The following RELN variants were observed in gnomAD, a reference collection of about 807,000 sequenced individuals.
The protein encoded by RELN is reelin.
In RELN, 108 loss-of-function variants were observed where a neutral mutation model predicts 427.6. The ratio of observed to expected loss-of-function variants is 0.25; its 90% CI spans 0.22 to 0.30. The LOEUF is 0.30. Ranked by LOEUF, RELN falls within the 10% of genes least tolerant of loss-of-function variation. The probability of loss-of-function intolerance (pLI) is 1.00; values close to 1 mark genes in which losing one functional copy is unlikely to be tolerated. For missense variants in RELN, 3,715 were observed against 4,302.8 expected, an observed-to-expected ratio of 0.86 and a Z score of 3.82; for synonymous variants, 1,524 against 1,513.4, an observed-to-expected ratio of 1.01 and a Z score of -0.16.
chr7:103,871,879 C>A (rs892934522), intron 2 of RELN, among the ~76,000 whole-genome samples: 1 of 151,764 alleles, frequency 6.6e-6, no homozygotes, highest in Non-Finnish European at 1.5e-5. Flanking sequence ...TGGAGACCTA[C>A]CAGAGATTTT....
chr7:103,988,559 C>G lies in RELN; in HGVS notation c.226+572G>C, dbSNP rs890482644. On this transcript the variant is annotated intron_variant, in intron 1 of 64. Coordinates refer to ENST00000428762, the MANE Select transcript of RELN (RefSeq NM_005045.4). The surrounding 1 kb of genome is among the most constrained non-coding windows in gnomAD (Gnocchi z 4.9). ...TTTCAAAAGAATAGGGAGCTGGAAG[C>G]AGCCGCTCCCTTTCAGGAGGGCTGT... 3.3e-5 allele frequency among the ~76,000 whole-genome samples: 5 copies of G among 152,188 alleles called. No individual in the cohort carries two copies. Among genetic ancestry groups the G allele is most frequent in the Admixed American group, 2.0e-4 (3 of 15,286 alleles).
At chr7:103,827,943 A>G (rs1175889266) in intron 3 of RELN, among the ~76,000 whole-genome samples, 1 of 152,058 alleles carries the variant, frequency 6.6e-6, no homozygotes, top group East Asian at 1.9e-4. Flanking sequence ...TTTTGCAGTA[A>G]GCTATGTATA....
chr7:103,662,625 C>CAAAAAAAAAAAAAAAAAAA (rs747230376), intron 11 of RELN, among the ~76,000 whole-genome samples: 1 of 77,348 alleles, frequency 1.3e-5, no homozygotes, highest in Non-Finnish European at 2.5e-5. Context: ...GACTCCGTCA[C>CAAAAAAAAAAAAAAAAAAA]AAAAAAAAAA....
intron 1 of RELN, among the ~76,000 whole-genome samples, chr7:103,957,641 GCC>G (rs1796461052): frequency 6.6e-6 from 1 of 152,126 alleles, no homozygotes; most frequent in Non-Finnish European, 1.5e-5. Context: ...ACCTGGTGAT[GCC>G]TGCTCATCCC....
chr7:103,926,793 A>T (rs1045292400), intron 1 of RELN, among the ~76,000 whole-genome samples: 1 of 151,826 alleles, frequency 6.6e-6, no homozygotes, highest in Non-Finnish European at 1.5e-5. Context: ...TACAGGCATG[A>T]GCCACCACAT....
intron 1 of RELN, among the ~76,000 whole-genome samples, chr7:103,957,445 T>A (rs1379641609): frequency 6.6e-6 from 1 of 152,194 alleles, no homozygotes; most frequent in South Asian, 2.1e-4. Context: ...TAACACTTCA[T>A]AAAACACTGC....
intron 24 of RELN, among the ~76,000 whole-genome samples, chr7:103,598,581 T>A (rs1404178289): frequency 6.6e-6 from 1 of 152,224 alleles, no homozygotes; most frequent in East Asian, 1.9e-4. Context: ...AAATGATTGC[T>A]CTACTGTGAA....
At chr7:103,921,340 TC>T (rs2116683448) in intron 1 of RELN, among the ~76,000 whole-genome samples, 1 of 152,258 alleles carries the variant, frequency 6.6e-6, no homozygotes, top group South Asian at 2.1e-4. Flanking sequence ...ATTTAAACAA[TC>T]CATTCTCCCA....
intron 19 of RELN, among the ~76,000 whole-genome samples, chr7:103,633,955 G>A (rs1832524382): frequency 6.6e-6 from 1 of 151,986 alleles, no homozygotes; most frequent in South Asian, 2.1e-4. Context: ...TACCTGTACA[G>A]GGAAAATACC....
At chr7:103,716,548 T>C (rs1789943113) in intron 8 of RELN, among the ~76,000 whole-genome samples, 1 of 152,202 alleles carries the variant, frequency 6.6e-6, no homozygotes, top group Admixed American at 6.5e-5. Flanking sequence ...CCCATGGATT[T>C]CATTTAGCAT....
At chr7:103,674,221 C>A (rs1338579032) in intron 11 of RELN, among the ~76,000 whole-genome samples, 1 of 152,116 alleles carries the variant, frequency 6.6e-6, no homozygotes, top group East Asian at 1.9e-4. Flanking sequence ...CATATATTTC[C>A]ATTTCTCGCA....
At chr7:103,943,646 T>C (rs1345307015) in intron 1 of RELN, among the ~76,000 whole-genome samples, 6 of 151,870 alleles carry the variant, frequency 4.0e-5, no homozygotes, top group African/African-American at 1.5e-4. Flanking sequence ...AGGTCAGGAC[T>C]TTGAGACCAG....
At chr7:103,711,352 C>T (rs567073239) in intron 8 of RELN, among the ~76,000 whole-genome samples, 1 of 152,296 alleles carries the variant, frequency 6.6e-6, no homozygotes, top group African/African-American at 2.4e-5. Context: ...ACAACTCAGA[C>T]CCACCTCTGT....
intron 64 of RELN, among the ~76,000 whole-genome samples, chr7:103,473,617 A>G (rs536552821): frequency 6.6e-6 from 1 of 152,314 alleles, no homozygotes; most frequent in African/African-American, 2.4e-5. Context: ...TCCCCCACAT[A>G]TGTACATACA....
intron 24 of RELN, among the ~76,000 whole-genome samples, chr7:103,597,920 A>G (rs1038590135): frequency 6.6e-6 from 1 of 152,212 alleles, no homozygotes; most frequent in Non-Finnish European, 1.5e-5. Flanking sequence ...TCTTCCACCT[A>G]AACAGATTCT....
intron 24 of RELN, among the ~76,000 whole-genome samples, chr7:103,600,412 T>C (rs1831638034): frequency 6.6e-6 from 1 of 152,176 alleles, no homozygotes; most frequent in South Asian, 2.1e-4. Flanking sequence ...GCCAGGAGTC[T>C]TCCCTGTTTT....
chr7:103,920,253 AGTT>A (rs1795582934), intron 1 of RELN, among the ~76,000 whole-genome samples: 1 of 152,220 alleles, frequency 6.6e-6, no homozygotes, highest in African/African-American at 2.4e-5. Context: ...CATAAGTAGA[AGTT>A]GTAGGTAAAA....
At chr7:103,759,581 A>G (rs1401930934) in intron 4 of RELN, among the ~76,000 whole-genome samples, 2 of 152,092 alleles carry the variant, frequency 1.3e-5, no homozygotes, top group Non-Finnish European at 2.9e-5. Context: ...CTTTTTTCCC[A>G]AGAAATATCT....
At chr7:103,771,990 C>A (rs573602094) in intron 4 of RELN, among the ~76,000 whole-genome samples, 1 of 152,088 alleles carries the variant, frequency 6.6e-6, no homozygotes, top group Non-Finnish European at 1.5e-5. Flanking sequence ...TCCTTCCCAC[C>A]GCCTGCAGAA....
Sources: gnomAD v4.1 joint callset for allele counts (sites outside exome capture counted in the v4.1 genomes callset) on GRCh38, gnomAD v4.1.1 for gene constraint, Gnocchi (gnomAD v3.1) non-coding constraint, MANE v1.5 for transcripts, NCBI Gene and HGNC (gene_info 2026-07-23, HGNC 2026-07-21) for gene names.